The following ABCB11 variants were observed in gnomAD, a reference collection of about 807,000 sequenced individuals.
ABCB11 encodes the protein bile salt export pump.
ABCB11 carries 95 observed loss-of-function variants against 148.0 expected under a neutral mutation model. The ratio of observed to expected loss-of-function variants is 0.64; its 90% CI spans 0.54 to 0.76. The LOEUF is 0.76. Among genes scored for constraint, ABCB11 ranks in the 30% least tolerant of loss-of-function variants. The probability of loss-of-function intolerance (pLI) is 0.00; values close to 1 mark genes in which losing one functional copy is unlikely to be tolerated. For synonymous variants in ABCB11, 591 were observed against 555.4 expected (o/e 1.06, Z -0.90); for missense variants, 1,523 against 1,617.8 (o/e 0.94, Z 1.01).
chr2:168,968,523 T>C (rs371085677), intron 16 of ABCB11, 33 bp from the exon 17 acceptor site: 251 of 1,577,816 alleles, frequency 1.6e-4, no homozygotes, highest in Non-Finnish European at 2.0e-4. Flanking sequence ...TTTTTTAGTA[T>C]ATACAATAAA....
chr2:168,951,000 C>T (rs1451873474), intron 19 of ABCB11, among the ~76,000 whole-genome samples: 1 of 151,626 alleles, frequency 6.6e-6, no homozygotes, highest in South Asian at 2.1e-4. Context: ...ATACTGCTAT[C>T]CAATTTTTCC....
chr2:169,018,276 G>A (rs1002121911), intron 1 of ABCB11, 124 bp from the exon 2 acceptor site: 3 of 845,378 alleles, frequency 3.5e-6, no homozygotes, highest in Non-Finnish European at 5.4e-6. Flanking sequence ...TCAGACAAAA[G>A]TTTTAAAATC....
chr2:168,961,925 A>G (rs1047961149), intron 18 of ABCB11, among the ~76,000 whole-genome samples: 3 of 151,740 alleles, frequency 2.0e-5, no homozygotes, highest in Non-Finnish European at 3.0e-5. Flanking sequence ...AACATGAGAA[A>G]AAGAAAGGAT....
intron 1 of ABCB11, among the ~76,000 whole-genome samples, chr2:169,019,152 C>A (rs1287549425): frequency 2.0e-5 from 3 of 151,956 alleles, no homozygotes; most frequent in Non-Finnish European, 4.4e-5. Context: ...GAAATGCAGA[C>A]CCATGGAGGT....
chr2:168,962,178 T>C (rs918448222), intron 18 of ABCB11, among the ~76,000 whole-genome samples: 3 of 151,758 alleles, frequency 2.0e-5, no homozygotes, highest in Non-Finnish European at 4.4e-5. Context: ...GGAGCTTTAG[T>C]ATAATCACAT....
At chr2:168,930,541 T>A in intron 25 of ABCB11, 124 bp downstream of exon 25, 1 of 631,018 alleles carries the variant, frequency 1.6e-6, no homozygotes, top group Non-Finnish European at 2.4e-6. Flanking sequence ...AAAATATGCA[T>A]GGGGTAAGTG....
rs748204442 is a variant in ABCB11 at position 168,932,545 on chromosome 2, C to A, written c.3057-12G>T. ...CTGCAGAGATCACCCTGTAACCAGA[C>A]AGACACACAGGAAGAGAGCAGGGTG... is the stretch of plus-strand genomic sequence containing the variant. On this transcript the variant is annotated splice_polypyrimidine_tract_variant and intron_variant, in intron 23 of 27. Transcript: ENST00000650372. The A allele has an allele frequency of 2.5e-6, 4 of 1,612,292 alleles. No individual in the cohort carries two copies. Among genetic ancestry groups the A allele is most frequent in the Non-Finnish European group, 2.5e-6 (3 of 1,179,140 alleles).
downstream of ABCB11, among the ~76,000 whole-genome samples, chr2:168,918,597 A>G (rs1023197479): frequency 6.6e-6 from 1 of 152,230 alleles, no homozygotes; most frequent in African/African-American, 2.4e-5. Flanking sequence ...TCCACAAAAA[A>G]CAATAAATGT....
intron 3 of ABCB11, 77 bp from the exon 4 acceptor site, chr2:169,014,431 T>C (rs1377238117): frequency 1.1e-5 from 15 of 1,380,540 alleles, no homozygotes; most frequent in Non-Finnish European, 1.4e-5. Flanking sequence ...GGTGATTTTA[T>C]GAGTTATTCT....
rs1031370012 is a variant in ABCB11 at position 168,936,317 on chromosome 2, G to A, written c.2727C>T (p.Pro909=). The A allele has an allele frequency of 9.3e-6, 15 of 1,613,830 alleles. No individual in the cohort carries two copies. Among genetic ancestry groups the A allele is most frequent in the Middle Eastern group, 1.6e-4 (1 of 6,084 alleles). The part of the protein sequence containing the change: ...KLSLVILCFF[P]FLALSGATQT... ...GTGTGGCTCCTGATAAAGCCAAGAA[G>A]GGGAAGAAGCACAAGATGACCAGGC... The change falls in exon 22 of 28, where the codon CCC becomes CCT. Residue 909 remains proline (P), a synonymous_variant. Coordinates refer to ENST00000650372, the MANE Select transcript of ABCB11 (RefSeq NM_003742.4).
intron 19 of ABCB11, among the ~76,000 whole-genome samples, chr2:168,957,645 C>T (rs1023979305): frequency 2.0e-5 from 3 of 151,672 alleles, no homozygotes; most frequent in African/African-American, 7.3e-5. Flanking sequence ...TTCAGTGAAT[C>T]CACTTTGCAT....
chr2:168,932,914 C>T (rs1327786994), intron 23 of ABCB11, among the ~76,000 whole-genome samples: 4 of 151,980 alleles, frequency 2.6e-5, no homozygotes, highest in African/African-American at 7.2e-5. Context: ...TCGAGACCAT[C>T]CTGGCTAACA....
intron 24 of ABCB11, 134 bp from the exon 25 acceptor site, chr2:168,930,996 A>T: frequency 1.4e-6 from 1 of 719,962 alleles, no homozygotes. Flanking sequence ...AAGTATAAAG[A>T]CAGCAACTTA....
intron 19 of ABCB11, among the ~76,000 whole-genome samples, chr2:168,955,419 T>G (rs547607961): frequency 6.6e-6 from 1 of 151,650 alleles, no homozygotes; most frequent in Admixed American, 6.6e-5. Flanking sequence ...AAGCAGATCT[T>G]CATATGACCA....
At chr2:168,983,040 G>T (rs1694188145) in intron 10 of ABCB11, among the ~76,000 whole-genome samples, 1 of 152,094 alleles carries the variant, frequency 6.6e-6, no homozygotes, top group Admixed American at 6.6e-5. Flanking sequence ...TGTACAATGG[G>T]CAGGAAATTT....
intron 10 of ABCB11, among the ~76,000 whole-genome samples, chr2:168,983,021 G>A (rs912812022): frequency 3.9e-5 from 6 of 152,126 alleles, no homozygotes; most frequent in Admixed American, 3.3e-4. Context: ...CAAAAGTAGA[G>A]TAGCTCACTG....
At chr2:169,013,230 T>C in intron 5 of ABCB11, 42 bp downstream of exon 5, 1 of 1,460,102 alleles carries the variant, frequency 6.8e-7, no homozygotes, top group Non-Finnish European at 9.4e-7. Flanking sequence ...CAATTTAAGA[T>C]ATGAGCAAAA....
Position 168,927,314 on chromosome 2 carries a change from A to T in ABCB11, c.3460T>A (p.Ser1154Thr), listed in dbSNP as rs778415287. 1.2e-6 allele frequency: 2 copies of T among 1,613,908 alleles called. No individual in the cohort carries two copies. The highest frequency in any genetic ancestry group is 3.3e-5 in the Admixed American group (2 of 60,022). ...TCCTGGGAAACAATTCCAATGTTTGAGCGGAGGAACTGGACATTTACTTTT... is the reference window on the plus strand; with the variant it reads ...TCCTGGGAAACAATTCCAATGTTTGTGCGGAGGAACTGGACATTTACTTTT... Reference protein sequence around the residue: ...SKKVNVQFLRSNIGIVSQEPV... With the variant: ...SKKVNVQFLRTNIGIVSQEPV... Residue 1154 changes from serine to threonine, a missense_variant, in exon 26 of 28, where the codon TCA becomes ACA. Coordinates refer to ENST00000650372, the MANE Select transcript of ABCB11 (RefSeq NM_003742.4).
intron 5 of ABCB11, among the ~76,000 whole-genome samples, chr2:168,997,144 A>G (rs1694743545): frequency 6.6e-6 from 1 of 152,218 alleles, no homozygotes; most frequent in South Asian, 2.1e-4. Flanking sequence ...TTCAAAAGCC[A>G]GACAGGCTGT....
Sources: gnomAD v4.1 joint callset for allele counts (sites outside exome capture counted in the v4.1 genomes callset) on GRCh38, gnomAD v4.1.1 for gene constraint, MANE v1.5 for transcripts, NCBI Gene and HGNC (gene_info 2026-07-23, HGNC 2026-07-21) for gene names.